Variants in PKP4 observed in about 807,000 individuals in gnomAD.
The protein encoded by PKP4 is plakophilin-4.
Under a neutral mutation model 145.1 loss-of-function variants are expected in PKP4, and 90 were observed. The ratio of observed to expected loss-of-function variants is 0.62; its 90% confidence interval spans 0.52 to 0.74. The LOEUF (loss-of-function observed/expected upper bound fraction) is 0.74, where lower values mean the gene tolerates loss of function less well. PKP4 is among the 30% of genes least tolerant of loss of function. PKP4 has a pLI of 0.00. For missense variants in PKP4, 1,340 were observed against 1,482.7 expected, an observed-to-expected ratio of 0.90 and a Z score of 1.58; for synonymous variants, 563 against 577.2, an observed-to-expected ratio of 0.98 and a Z score of 0.35.
chr2:158,488,940 G>T (rs1694550346), intron 1 of PKP4, among the ~76,000 whole-genome samples: 1 of 152,168 alleles, frequency 6.6e-6, no homozygotes, highest in Admixed American at 6.5e-5. Context: ...GTCTTCAAAA[G>T]ATGTGTCTTC....
intron 2 of PKP4, among the ~76,000 whole-genome samples, chr2:158,555,920 A>G (rs934752270): frequency 3.3e-5 from 5 of 152,152 alleles, no homozygotes; most frequent in African/African-American, 4.8e-5. Flanking sequence ...TTTTTTCCAT[A>G]GCTTGCTTAT....
chr2:158,605,470 G>C (rs1473220385), intron 4 of PKP4, among the ~76,000 whole-genome samples: 1 of 152,116 alleles, frequency 6.6e-6, no homozygotes, highest in Non-Finnish European at 1.5e-5. Context: ...GACTCACAAT[G>C]CCTTAAAACC....
At chr2:158,576,615 T>G (rs2047875338) in intron 2 of PKP4, among the ~76,000 whole-genome samples, 1 of 152,242 alleles carries the variant, frequency 6.6e-6, no homozygotes, top group Non-Finnish European at 1.5e-5. Context: ...ATATAATTTC[T>G]GTAGACTATC....
Position 158,673,878 on chromosome 2 carries a change from T to C in PKP4, c.3010-5T>C. The C allele has an allele frequency of 6.3e-7, 1 of 1,587,658 alleles. No homozygotes were observed. Among genetic ancestry groups the C allele is most frequent in the Non-Finnish European group, 8.7e-7 (1 of 1,155,726 alleles). On this transcript the variant is annotated splice_polypyrimidine_tract_variant and splice_region_variant and intron_variant, in intron 18 of 21. Transcript: ENST00000389759. ...GAGAGGTTTCTTTTTCTCTTAACTC[T>C]GCAGGATGGGTGGAATCAGAACCAT...
At chr2:158,649,518 T>C (rs1023858066) in intron 11 of PKP4, among the ~76,000 whole-genome samples, 12 of 152,348 alleles carry the variant, frequency 7.9e-5, no homozygotes, top group Non-Finnish European at 7.3e-5. Flanking sequence ...AGTATAATCA[T>C]AAAGCTTCAG....
intron 1 of PKP4, among the ~76,000 whole-genome samples, chr2:158,509,384 A>G (rs886658625): frequency 1.3e-5 from 2 of 152,246 alleles, no homozygotes; most frequent in Non-Finnish European, 2.9e-5. Flanking sequence ...TCATCAAATC[A>G]GAACAGATAT....
rs2047218443 is a variant in PKP4 at position 158,569,018 on chromosome 2, A to T, written c.133-8253A>T. 2.6e-5 allele frequency among the ~76,000 whole-genome samples: 4 copies of T among 152,280 alleles called. No homozygotes were observed. In the South Asian group the frequency reaches 8.3e-4, roughly 32 times the overall value. On this transcript the variant is annotated intron_variant, in intron 2 of 21. Transcript: ENST00000389759. The stretch of plus-strand genomic sequence containing the variant: ...GGGTGGGGTATGTAGGAAAAGCATG[A>T]GACTCTACCTGTCTTCTTTGAAGTT...
chr2:158,679,997 C>G (rs1282250308), intron 21 of PKP4, among the ~76,000 whole-genome samples: 1 of 152,172 alleles, frequency 6.6e-6, no homozygotes, highest in Non-Finnish European at 1.5e-5. Context: ...ATCCAAGGCC[C>G]AGAAACCCAG....
At chr2:158,639,843 G>A (rs772905980) in intron 9 of PKP4, among the ~76,000 whole-genome samples, 41 of 152,218 alleles carry the variant, frequency 2.7e-4, no homozygotes, top group African/African-American at 4.6e-4. Context: ...TTACAGCCAC[G>A]TGGCCAGGCG....
rs566729466 is a variant in PKP4, at chr2:158,522,779, G to T, written c.-5-10401G>T. 3.3e-5 allele frequency among the ~76,000 whole-genome samples: 5 copies of T among 152,336 alleles called. No individual in the cohort carries two copies. In the South Asian group the frequency reaches 8.3e-4, roughly 25 times the overall value. ...GCGCAGGCCAGTGGGTGTGCGCACCGTGCGCGAGCCAAAGCAGGGCGAGGC... is the reference window on the plus strand; with the variant it reads ...GCGCAGGCCAGTGGGTGTGCGCACCTTGCGCGAGCCAAAGCAGGGCGAGGC... On this transcript the variant is annotated intron_variant, in intron 1 of 21. Transcript: ENST00000389759.
At chr2:158,643,729 G>GAAAAAA (rs371078811) in intron 11 of PKP4, among the ~76,000 whole-genome samples, 4 of 136,148 alleles carry the variant, frequency 2.9e-5, no homozygotes, top group Non-Finnish European at 3.2e-5. Context: ...AAAAAAAAAA[G>GAAAAAA]AAAAGAAAAC....
At chr2:158,600,997 G>A (rs895741922) in intron 3 of PKP4, among the ~76,000 whole-genome samples, 6 of 152,046 alleles carry the variant, frequency 3.9e-5, no homozygotes, top group East Asian at 3.9e-4. Flanking sequence ...ACCTAGACTC[G>A]GGGAGAATAA....
At chr2:158,668,630 C>T (rs1413130205) in intron 16 of PKP4, among the ~76,000 whole-genome samples, 1 of 152,190 alleles carries the variant, frequency 6.6e-6, no homozygotes, top group Non-Finnish European at 1.5e-5. Flanking sequence ...CATGAGTATT[C>T]AAAATCACCA....
intron 2 of PKP4, among the ~76,000 whole-genome samples, chr2:158,573,986 T>G (rs2047628106): frequency 6.6e-6 from 1 of 152,224 alleles, no homozygotes; most frequent in South Asian, 2.1e-4. Flanking sequence ...CAGCCAGCCT[T>G]TCCTTGGGCT....
At chr2:158,573,555 A>G (rs531615288) in intron 2 of PKP4, among the ~76,000 whole-genome samples, 2 of 151,930 alleles carry the variant, frequency 1.3e-5, no homozygotes, top group South Asian at 4.1e-4. Flanking sequence ...TCAGATTCAC[A>G]GAAGTTTATT....
rs564748328 is a variant in PKP4, at chr2:158,586,343, A to G, written c.245+8960A>G. Among the ~76,000 whole-genome samples the G allele has an allele frequency of 2.0e-5, 3 of 152,290 alleles. No individual in the cohort carries two copies. In the South Asian group the frequency reaches 6.2e-4, roughly 32 times the overall value. ...TGTCCACCCATCCTCCCAGTCTGTC[A>G]TGTGGGCTTGCCTCCTTTCCTTTCT... On this transcript the variant is annotated intron_variant, in intron 3 of 21. Transcript: ENST00000389759.
chr2:158,500,645 C>T (rs535509057), intron 1 of PKP4, among the ~76,000 whole-genome samples: 1 of 152,316 alleles, frequency 6.6e-6, no homozygotes, highest in Admixed American at 6.5e-5. Flanking sequence ...GAGCGCACAA[C>T]AGCATGGATG....
chr2:158,677,413 A>C, intron 20 of PKP4: 1 of 183,584 alleles, frequency 5.4e-6, no homozygotes, highest in Non-Finnish European at 1.2e-5. Context: ...CATAGTGTTA[A>C]TATTTTTATA....
chr2:158,511,915 T>G (rs1239417525), intron 1 of PKP4, among the ~76,000 whole-genome samples: 1 of 152,200 alleles, frequency 6.6e-6, no homozygotes, highest in Non-Finnish European at 1.5e-5. Context: ...GTAAACCATT[T>G]TGTCCTCAAA....
Sources: allele counts gnomAD v4.1 joint callset (sites outside exome capture counted in the v4.1 genomes callset), GRCh38; gene constraint gnomAD v4.1.1; transcripts MANE v1.5; gene names NCBI Gene and HGNC (gene_info 2026-07-23, HGNC 2026-07-21).